ANKS1B: variants seen among roughly 807,000 people sequenced by gnomAD.
ANKS1B encodes the protein ankyrin repeat and sterile alpha motif domain-containing protein 1B.
ANKS1B carries 36 observed loss-of-function variants against 148.3 expected under a neutral mutation model. The observed-to-expected ratio is 0.24, with a 90% CI of 0.19 to 0.32. The LOEUF is 0.32. ANKS1B is among the 10% of genes least tolerant of loss of function. ANKS1B has a pLI of 1.00. For synonymous variants in ANKS1B, 542 were observed against 560.8 expected (o/e 0.97, Z 0.47); for missense variants, 1,157 against 1,542.6 (o/e 0.75, Z 4.19).
At chr12:98,883,904 A>ACAATGTTC (rs2152539309) in intron 17 of ANKS1B, among the ~76,000 whole-genome samples, 1 of 152,332 alleles carries the variant, frequency 6.6e-6, no homozygotes, top group Non-Finnish European at 1.5e-5. Flanking sequence ...CGTTTCCAGA[A>ACAATGTTC]CAATGTTCTT....
chr12:99,319,472 A>C (rs1368121072), intron 12 of ANKS1B, among the ~76,000 whole-genome samples: 2 of 152,156 alleles, frequency 1.3e-5, no homozygotes, highest in Admixed American at 1.3e-4. Flanking sequence ...AGTCTGTTTT[A>C]TCAGAGACTA....
At position 98,800,675 on chromosome 12, in the gene ANKS1B, G is replaced by T. The variant is rs954554395; in HGVS notation, c.3270+322C>A. Among the ~76,000 whole-genome samples the T allele has an allele frequency of 1.9e-3, 188 of 99,632 alleles. 3 individuals carry two copies. Among genetic ancestry groups the T allele is most frequent in the African/African-American group, 5.8e-3 (171 of 29,462 alleles). 65.4% of individuals were successfully genotyped at this position (99,632 alleles called of 152,430 possible). On this transcript the variant is annotated intron_variant, in intron 21 of 26. Coordinates refer to ENST00000683438, the MANE Select transcript of ANKS1B (RefSeq NM_001352186.2). The stretch of plus-strand genomic sequence containing the variant: ...ACCCAGTGTTTGGTGAGTGAGCAGA[G>T]ATATATATATATATATGCCATATTT...
At chr12:99,966,886 T>C (rs1386016933) in intron 1 of ANKS1B, among the ~76,000 whole-genome samples, 5 of 152,116 alleles carry the variant, frequency 3.3e-5, no homozygotes, top group East Asian at 1.9e-4. Flanking sequence ...ATGTACAAGA[T>C]AGAAAACAAA....
intron 1 of ANKS1B, among the ~76,000 whole-genome samples, chr12:99,969,660 T>C (rs1479157703): frequency 1.3e-5 from 2 of 152,196 alleles, no homozygotes; most frequent in Admixed American, 6.5e-5. Context: ...GAGAACTATG[T>C]AGGAACTGAA....
intron 17 of ANKS1B, among the ~76,000 whole-genome samples, chr12:98,963,710 G>A (rs1412264848): frequency 6.6e-6 from 1 of 152,148 alleles, no homozygotes; most frequent in Non-Finnish European, 1.5e-5. Flanking sequence ...ATAAAGTGAA[G>A]AGACAGCCCA....
At chr12:99,745,562 T>C (rs186758385) in intron 8 of ANKS1B, among the ~76,000 whole-genome samples, 29 of 152,314 alleles carry the variant, frequency 1.9e-4, no homozygotes, top group Non-Finnish European at 4.4e-5. Flanking sequence ...CTCAATTTTC[T>C]ATCTTATCAC....
chr12:99,561,821 A>G (rs2097339223), intron 9 of ANKS1B, among the ~76,000 whole-genome samples: 1 of 152,210 alleles, frequency 6.6e-6, no homozygotes, highest in African/African-American at 2.4e-5. Flanking sequence ...GTTAATGTTA[A>G]TGTTGATATG....
At chr12:99,298,464 T>A (rs146266285) in intron 12 of ANKS1B, among the ~76,000 whole-genome samples, 4 of 152,276 alleles carry the variant, frequency 2.6e-5, no homozygotes, top group African/African-American at 9.6e-5. Flanking sequence ...TCTGCCATGA[T>A]TGTGAGGCCT....
intron 9 of ANKS1B, among the ~76,000 whole-genome samples, chr12:99,564,483 AAT>A (rs1447723624): frequency 2.0e-5 from 3 of 151,934 alleles, no homozygotes; most frequent in Non-Finnish European, 4.4e-5. Flanking sequence ...TTAGAGAAAA[AAT>A]AGAGACCAAT....
At chr12:99,012,549 G>A (rs1258389052) in intron 17 of ANKS1B, among the ~76,000 whole-genome samples, 2 of 152,114 alleles carry the variant, frequency 1.3e-5, no homozygotes, top group Non-Finnish European at 2.9e-5. Context: ...CTTTGCTAAT[G>A]AAAATGCAAA....
At chr12:98,879,013 T>C (rs1277848409) in intron 17 of ANKS1B, among the ~76,000 whole-genome samples, 1 of 152,242 alleles carries the variant, frequency 6.6e-6, no homozygotes, top group Non-Finnish European at 1.5e-5. Context: ...GATTGGCGCC[T>C]TCTGGAGTTG....
At chr12:99,181,035 AACC>A (rs1182844623) in intron 14 of ANKS1B, among the ~76,000 whole-genome samples, 8 of 152,222 alleles carry the variant, frequency 5.3e-5, no homozygotes, top group Non-Finnish European at 8.8e-5. Flanking sequence ...TGTTTTCTCC[AACC>A]ATACTTCTAC....
chr12:99,155,121 A>G (rs1330166387), intron 14 of ANKS1B: 1 of 1,501,096 alleles, frequency 6.7e-7, no homozygotes, highest in Non-Finnish European at 8.8e-7. Flanking sequence ...TTTACGTTTC[A>G]AAAGACACCA....
At chr12:99,960,364 T>G (rs1204708568) in intron 1 of ANKS1B, among the ~76,000 whole-genome samples, 1 of 152,206 alleles carries the variant, frequency 6.6e-6, no homozygotes, top group Non-Finnish European at 1.5e-5. Context: ...ATTAGCCACA[T>G]AAATTACTCT....
intron 1 of ANKS1B, among the ~76,000 whole-genome samples, chr12:99,857,087 T>A (rs1345222855): frequency 6.6e-6 from 1 of 152,152 alleles, no homozygotes; most frequent in Non-Finnish European, 1.5e-5. Flanking sequence ...AAAGAGGAAG[T>A]CAAACTGTCA....
rs78559540 is a variant in ANKS1B, at chr12:99,323,028, A to G, written c.1757-76164T>C. Among the ~76,000 whole-genome samples the G allele has an allele frequency of 3.5e-3, 531 of 152,104 alleles. 34 individuals carry two copies. In the East Asian group the frequency reaches 0.083, roughly 24 times the overall value. ...CTAAACCCCTTTTTCTTTATAAATT[A>G]CCCAGTCTCGGGTATGTCTTTATCA... is the stretch of plus-strand genomic sequence containing the variant. On this transcript the variant is annotated intron_variant, in intron 12 of 26. Coordinates refer to ENST00000683438, the MANE Select transcript of ANKS1B (RefSeq NM_001352186.2).
At position 99,378,323 on chromosome 12, in the gene ANKS1B, C is replaced by A. The variant is rs533084340; in HGVS notation, c.1756+21308G>T. Among the ~76,000 whole-genome samples the A allele has an allele frequency of 5.3e-5, 8 of 152,134 alleles. No individual in the cohort carries two copies. In the East Asian group the frequency reaches 1.2e-3, roughly 22 times the overall value. On this transcript the variant is annotated intron_variant, in intron 12 of 26. Transcript: ENST00000683438. ...CCCAATGAGATTCATAGAAAATCCA[C>A]GAAGTTCTTAAGAATTGTGTTGCTG...
chr12:98,736,422 AAG>A (rs747166543), intron 9 of ANKS1B, among the ~76,000 whole-genome samples: 2 of 152,204 alleles, frequency 1.3e-5, no homozygotes, highest in Non-Finnish European at 2.9e-5. Context: ...CAACTGGAAG[AAG>A]AGAGTTGCCG....
chr12:99,350,296 G>C (rs1342004304), intron 12 of ANKS1B, among the ~76,000 whole-genome samples: 3 of 151,934 alleles, frequency 2.0e-5, no homozygotes, highest in Non-Finnish European at 4.4e-5. Flanking sequence ...GGAACCATGA[G>C]ACAATTAAAC....
Sources: allele counts gnomAD v4.1 joint callset (sites outside exome capture counted in the v4.1 genomes callset), GRCh38; gene constraint gnomAD v4.1.1; transcripts MANE v1.5; gene names NCBI Gene and HGNC (gene_info 2026-07-23, HGNC 2026-07-21).